TENM2: variants seen among roughly 807,000 people sequenced by gnomAD.
TENM2 encodes teneurin transmembrane protein 2.
A neutral mutation model predicts 245.2 loss-of-function variants in TENM2; 52 were observed. The observed-to-expected ratio is 0.21, with a 90% confidence interval of 0.17 to 0.27. TENM2 has a LOEUF of 0.27. Among genes scored for constraint, TENM2 ranks in the 10% least tolerant of loss-of-function variants. The pLI, the probability that TENM2 is intolerant of heterozygous loss-of-function variation, is 1.00. For missense variants in TENM2, 3,046 were observed against 3,666.8 expected (o/e 0.83, Z 4.37); for synonymous variants, 1,363 against 1,438.9 (o/e 0.95, Z 1.19).
At chr5:167,253,505 C>T in the TENM2 span, among the ~76,000 whole-genome samples, 450 of 151,992 alleles carry the variant, frequency 3.0e-3, 6 homozygotes, top group African/African-American at 0.01. Context: ...GTTTTTAAAA[C>T]GTAAAAATCA....
At chr5:168,152,435 A>G (rs1311901657) in intron 12 of TENM2, among the ~76,000 whole-genome samples, 1 of 152,136 alleles carries the variant, frequency 6.6e-6, no homozygotes, top group Non-Finnish European at 1.5e-5. Context: ...AGAGCCGTCA[A>G]CCCTGCAGAA....
At chr5:167,974,558 A>T (rs11134482) in intron 4 of TENM2, among the ~76,000 whole-genome samples, 73,091 of 152,048 alleles carry the variant, frequency 0.48, 17,873 homozygotes, top group South Asian at 0.62. Flanking sequence ...ACATTTATTG[A>T]GGATCCACTC....
At chr5:167,556,269 G>T (rs1249829478) in intron 2 of TENM2, among the ~76,000 whole-genome samples, 1 of 152,038 alleles carries the variant, frequency 6.6e-6, no homozygotes, top group African/African-American at 2.4e-5. Flanking sequence ...ATGTAGAAAA[G>T]CTCTCATTTT....
intron 1 of TENM2, chr5:167,309,669 A>T (rs2127751585): frequency 6.6e-6 from 1 of 152,288 alleles, no homozygotes; most frequent in Non-Finnish European, 1.5e-5. Flanking sequence ...GTCAAAAAAC[A>T]CTTAAGGTTC....
intron 2 of TENM2, among the ~76,000 whole-genome samples, chr5:167,393,004 C>G (rs1359781626): frequency 6.6e-6 from 1 of 151,932 alleles, no homozygotes; most frequent in East Asian, 1.9e-4. Flanking sequence ...CACCTGTAAT[C>G]CCAGCTACTC....
At chr5:167,535,912 A>G (rs1453061647) in intron 2 of TENM2, among the ~76,000 whole-genome samples, 3 of 152,206 alleles carry the variant, frequency 2.0e-5, no homozygotes, top group African/African-American at 7.2e-5. Flanking sequence ...CAACCTGCTT[A>G]TGGTTGTGCA....
intron 2 of TENM2, among the ~76,000 whole-genome samples, chr5:167,424,730 G>A (rs1195592982): frequency 6.6e-6 from 1 of 151,842 alleles, no homozygotes; most frequent in Non-Finnish European, 1.5e-5. Flanking sequence ...TATGAAATTG[G>A]TATTTTACGT....
intron 2 of TENM2, among the ~76,000 whole-genome samples, chr5:167,414,650 C>G (rs1763074698): frequency 1.3e-5 from 2 of 152,042 alleles, no homozygotes; most frequent in African/African-American, 2.4e-5. Flanking sequence ...ATCTTGGGAT[C>G]TGCAATAAAA....
the TENM2 span, among the ~76,000 whole-genome samples, chr5:167,068,250 A>G: frequency 6.6e-5 from 10 of 152,202 alleles, no homozygotes; most frequent in Non-Finnish European, 8.8e-5. Context: ...CTTCCTTAGC[A>G]TGGGACCCAG....
chr5:166,996,325 AGAGT>A, the TENM2 span, among the ~76,000 whole-genome samples: 2 of 152,262 alleles, frequency 1.3e-5, no homozygotes, highest in African/African-American at 4.8e-5. Context: ...CCTGGGCGAC[AGAGT>A]GAGACTCCGT....
At chr5:167,849,662 C>G (rs1417200569) in intron 2 of TENM2, among the ~76,000 whole-genome samples, 1 of 152,146 alleles carries the variant, frequency 6.6e-6, no homozygotes, top group Non-Finnish European at 1.5e-5. Context: ...TCTAAATGAC[C>G]TGGTATAAAT....
chr5:167,424,704 A>G (rs1385121293), intron 2 of TENM2, among the ~76,000 whole-genome samples: 1 of 152,108 alleles, frequency 6.6e-6, no homozygotes, highest in East Asian at 1.9e-4. Context: ...GTATTGTGGA[A>G]GTCATGTTTT....
chr5:167,811,434 C>T (rs1766630135), intron 2 of TENM2, among the ~76,000 whole-genome samples: 1 of 152,098 alleles, frequency 6.6e-6, no homozygotes. Flanking sequence ...GCTTCTGCTT[C>T]ACCTTCTGCC....
chr5:167,525,611 T>C (rs1771058696), intron 2 of TENM2, among the ~76,000 whole-genome samples: 1 of 152,170 alleles, frequency 6.6e-6, no homozygotes, highest in Non-Finnish European at 1.5e-5. Flanking sequence ...ATCGCTAAAG[T>C]CCTATTGACC....
chr5:167,073,688 A>G, the TENM2 span, among the ~76,000 whole-genome samples: 4 of 152,084 alleles, frequency 2.6e-5, no homozygotes, highest in African/African-American at 7.2e-5. Flanking sequence ...CTTATTTGCT[A>G]TCTTCACATA....
intron 25 of TENM2, among the ~76,000 whole-genome samples, chr5:168,230,312 T>TTGAGTGGACTGAAAATGTAATTTGA (rs1764735339): frequency 6.6e-6 from 1 of 152,200 alleles, no homozygotes; most frequent in East Asian, 1.9e-4. Context: ...TTATAACAGG[T>TTGAGTGGACTGAAAATGTAATTTGA]TGAGTGGACT....
chr5:167,124,894 G>A, the TENM2 span, among the ~76,000 whole-genome samples: 6 of 152,098 alleles, frequency 3.9e-5, no homozygotes, highest in South Asian at 2.1e-4. Flanking sequence ...CAGCAGCAAC[G>A]TTCTACAGAG....
intron 4 of TENM2, among the ~76,000 whole-genome samples, chr5:167,978,790 A>G (rs549575485): frequency 3.4e-4 from 52 of 152,318 alleles, no homozygotes; most frequent in African/African-American, 1.2e-3. Context: ...ATTTTGTATC[A>G]TGTGAATTTT....
chr5:167,737,176 C>T (rs1000413889), intron 2 of TENM2, among the ~76,000 whole-genome samples: 3 of 152,152 alleles, frequency 2.0e-5, no homozygotes, highest in Admixed American at 6.5e-5. Context: ...TACGTCAAAG[C>T]GTTTTTAAAT....
Sources: allele counts gnomAD v4.1 joint callset (sites outside exome capture counted in the v4.1 genomes callset), GRCh38; gene constraint gnomAD v4.1.1; transcripts MANE v1.5; gene names NCBI Gene and HGNC (gene_info 2026-07-23, HGNC 2026-07-21).